CHIC2: variants seen among roughly 807,000 people sequenced by gnomAD.
CHIC2 encodes cysteine rich hydrophobic domain 2.
In CHIC2, 14 loss-of-function variants were observed where a neutral mutation model predicts 25.9. The ratio of observed to expected loss-of-function variants is 0.54; its 90% CI spans 0.36 to 0.85. The LOEUF is 0.85. Ranked by LOEUF, CHIC2 falls within the 40% of genes least tolerant of loss-of-function variation. The pLI is 0.01. For missense variants in CHIC2, 146 were observed against 202.0 expected, an observed-to-expected ratio of 0.72 and a Z score of 1.68; for synonymous variants, 70 against 72.0, an observed-to-expected ratio of 0.97 and a Z score of 0.14.
the CHIC2 span, among the ~76,000 whole-genome samples, chr4:54,073,217 G>T: frequency 5.3e-5 from 8 of 152,118 alleles, no homozygotes; most frequent in South Asian, 1.7e-3. Context: ...CCTTGGTTTG[G>T]TCAACAGCCT....
intron 1 of CHIC2, among the ~76,000 whole-genome samples, chr4:54,050,903 C>T (rs529881742): frequency 6.6e-6 from 1 of 151,864 alleles, no homozygotes; most frequent in East Asian, 1.9e-4. Context: ...AACCAAAAAC[C>T]CTGTTGAAAT....
upstream of CHIC2, among the ~76,000 whole-genome samples, chr4:54,069,258 G>T (rs1486765002): frequency 6.6e-6 from 1 of 152,076 alleles, no homozygotes; most frequent in African/African-American, 2.4e-5. Flanking sequence ...CAACTCCTGG[G>T]CTCAAGTAAT....
the CHIC2 span, chr4:54,087,738 C>A: frequency 1.4e-5 from 7 of 508,598 alleles, no homozygotes; most frequent in Admixed American, 6.4e-5. Context: ...TTTTTACTGG[C>A]GGTGATTACA....
At chr4:54,027,809 C>G (rs1200361882) in intron 3 of CHIC2, among the ~76,000 whole-genome samples, 2 of 152,118 alleles carry the variant, frequency 1.3e-5, no homozygotes, top group Non-Finnish European at 2.9e-5. Context: ...GGATCTAATA[C>G]TAGAAGAAAA....
At chr4:54,017,307 T>C (rs1026880683) in intron 3 of CHIC2, among the ~76,000 whole-genome samples, 2 of 151,780 alleles carry the variant, frequency 1.3e-5, no homozygotes, top group South Asian at 2.1e-4. Flanking sequence ...GAAAAAAATA[T>C]GTATGGGATC....
chr4:54,034,234 A>C (rs944343779), intron 3 of CHIC2, among the ~76,000 whole-genome samples: 3 of 151,962 alleles, frequency 2.0e-5, no homozygotes, highest in Non-Finnish European at 4.4e-5. Context: ...AAGAAACCCT[A>C]TCTCTACTAA....
chr4:54,033,115 T>C (rs1028768458), intron 3 of CHIC2, among the ~76,000 whole-genome samples: 5 of 152,222 alleles, frequency 3.3e-5, no homozygotes, highest in Non-Finnish European at 1.5e-5. Flanking sequence ...GCCAGTGCCA[T>C]GCTTCTTGTA....
chr4:54,036,627 G>A (rs1328138761), intron 3 of CHIC2, among the ~76,000 whole-genome samples: 2 of 151,988 alleles, frequency 1.3e-5, no homozygotes, highest in Admixed American at 6.6e-5. Flanking sequence ...AGATTTAGAG[G>A]GGACACATAC....
Position 54,064,226 on chromosome 4 carries a change from G to C in CHIC2, c.75C>G (p.Tyr25Ter). ...ERALEEQLLKYSPDPVVVRGS... is the reference protein window; with the variant it reads ...ERALEEQLLK The stretch of plus-strand genomic sequence containing the variant: ...CGCGGACGACCACCGGGTCCGGCGA[G>C]TACTTGAGCAGCTGCTCCTCCAGGG... Residue 25 changes from tyrosine (Y) to a stop codon, truncating the protein, a stop_gained, in exon 1 of 6, where the codon TAC becomes TAG. Transcript: ENST00000263921. LOFTEE classifies it high-confidence loss of function. The surrounding 1 kb of genome is among the most constrained non-coding windows in gnomAD (Gnocchi z 4.2). 1 of 1,608,820 alleles carries C rather than the reference G, an allele frequency of 6.2e-7. No individual in the cohort carries two copies. Among genetic ancestry groups the C allele is most frequent in the Non-Finnish European group, 8.5e-7 (1 of 1,177,756 alleles).
chr4:54,043,867 T>C (rs1716677126), intron 3 of CHIC2, among the ~76,000 whole-genome samples: 1 of 152,154 alleles, frequency 6.6e-6, no homozygotes, highest in African/African-American at 2.4e-5. Flanking sequence ...GCAAACTGGA[T>C]GAAGAGTCAA....
chr4:54,040,899 T>C (rs1294199907), intron 3 of CHIC2, among the ~76,000 whole-genome samples: 1 of 149,602 alleles, frequency 6.7e-6, no homozygotes, highest in East Asian at 2.0e-4. Context: ...AGAATAATAA[T>C]AATAGAACAG....
Position 54,064,310 on chromosome 4 carries a change from C to T in CHIC2, c.-10G>A, listed in dbSNP as rs900701640. On this transcript the variant is annotated 5_prime_UTR_variant, in exon 1 of 6. Coordinates refer to ENST00000263921, the MANE Select transcript of CHIC2 (RefSeq NM_012110.4). The surrounding 1 kb of genome is among the most constrained non-coding windows in gnomAD (Gnocchi z 4.2). ...CGTCGAAATCCGCCATCCTGAGCCT[C>T]CGAGCTCCCCTGCCCAAAGGGCCTG... 1.2e-6 allele frequency: 2 copies of T among 1,613,070 alleles called. No homozygotes were observed. Among genetic ancestry groups the T allele is most frequent in the African/African-American group, 1.3e-5 (1 of 74,916 alleles).
the CHIC2 span, among the ~76,000 whole-genome samples, chr4:54,088,795 T>C: frequency 6.6e-6 from 1 of 152,176 alleles, no homozygotes; most frequent in South Asian, 2.1e-4. Flanking sequence ...GCGATAGTAG[T>C]TGGAGTGTTA....
the CHIC2 span, among the ~76,000 whole-genome samples, chr4:54,090,342 C>T: frequency 1.3e-5 from 2 of 152,182 alleles, no homozygotes; most frequent in African/African-American, 4.8e-5. Flanking sequence ...TGTACCACCA[C>T]GCTGGCTAAT....
upstream of CHIC2, among the ~76,000 whole-genome samples, chr4:54,068,468 A>T (rs1198309865): frequency 6.6e-6 from 1 of 152,200 alleles, no homozygotes; most frequent in Non-Finnish European, 1.5e-5. Context: ...TTTGATCTTG[A>T]ACTTCCAAGT....
At chr4:54,033,088 C>A (rs1273813551) in intron 3 of CHIC2, among the ~76,000 whole-genome samples, 1 of 152,182 alleles carries the variant, frequency 6.6e-6, no homozygotes, top group Non-Finnish European at 1.5e-5. Flanking sequence ...TGAGTCCTCC[C>A]CAGAAGCTGA....
Position 54,010,202 on chromosome 4 carries a change from C to A in CHIC2, c.448-57G>T, listed in dbSNP as rs1715542536. 1.4e-5 allele frequency: 18 copies of A among 1,261,966 alleles called. No individual in the cohort carries two copies. The South Asian group carries it at 2.3e-4, about 16-fold the overall frequency. 78.2% of individuals were successfully genotyped at this position (1,261,966 alleles called of 1,614,324 possible). On this transcript the variant is annotated intron_variant, in intron 5 of 5. Transcript: ENST00000263921. ...ATTTAAACAAAATTTTTTCTTAAAACTTCAATTATATGCTTTCACAATTTT... is the reference window on the plus strand; with the variant it reads ...ATTTAAACAAAATTTTTTCTTAAAAATTCAATTATATGCTTTCACAATTTT...
intron 1 of CHIC2, among the ~76,000 whole-genome samples, chr4:54,062,607 G>C (rs969475799): frequency 1.6e-4 from 24 of 152,148 alleles, no homozygotes; most frequent in Admixed American, 1.4e-3. Flanking sequence ...CCAACAAAGT[G>C]CTTAGCTTTT....
At chr4:54,015,561 G>T (rs1421834881) in intron 3 of CHIC2, among the ~76,000 whole-genome samples, 1 of 152,076 alleles carries the variant, frequency 6.6e-6, no homozygotes. Context: ...TTTGTCCCTT[G>T]TCTAGCCCCC....
Sources: gnomAD v4.1 joint callset for allele counts (sites outside exome capture counted in the v4.1 genomes callset) on GRCh38, gnomAD v4.1.1 for gene constraint, Gnocchi (gnomAD v3.1) non-coding constraint, MANE v1.5 for transcripts, NCBI Gene and HGNC (gene_info 2026-07-23, HGNC 2026-07-21) for gene names.